Variants in IPO5 observed in about 807,000 individuals in gnomAD.
IPO5 encodes the protein importin 5, also known as importin-5.
Under a neutral mutation model 143.3 loss-of-function variants are expected in IPO5, and 18 were observed. The observed-to-expected ratio is 0.13, with a 90% CI of 0.09 to 0.19. The LOEUF is 0.19. Ranked by LOEUF, IPO5 falls within the 10% of genes least tolerant of loss-of-function variation. The pLI, the probability that IPO5 is intolerant of heterozygous loss-of-function variation, is 1.00. For missense variants in IPO5, 1,013 were observed against 1,336.9 expected, an observed-to-expected ratio of 0.76 and a Z score of 3.78; for synonymous variants, 477 against 465.7, an observed-to-expected ratio of 1.02 and a Z score of -0.31.
chr13:98,016,756 A>G lies in IPO5; in HGVS notation c.2521A>G (p.Lys841Glu). 6.7e-7 allele frequency: 1 copy of G among 1,502,014 alleles called. No individual in the cohort carries two copies. The highest frequency in any genetic ancestry group is 9.1e-7 in the Non-Finnish European group (1 of 1,102,746). The allele number at this position is 1,502,014 out of a possible 1,614,324, so 93.0% of individuals were successfully genotyped here. ...TGATAATGATGTTTATATTCTGACC[A>G]AAGTGTCAGATATTTTACACTCAAT... ...EDDNDVYILTKVSDILHSIFS... is the reference protein window; with the variant it reads ...EDDNDVYILTEVSDILHSIFS... The change falls in exon 25 of 29, where the codon AAA becomes GAA. Residue 841 changes from lysine (K) to glutamate (E), a missense_variant. Coordinates refer to ENST00000651721, the MANE Select transcript of IPO5 (RefSeq NM_002271.6).
At chr13:98,004,400 G>A (rs568351723) in intron 16 of IPO5, among the ~76,000 whole-genome samples, 1 of 152,188 alleles carries the variant, frequency 6.6e-6, no homozygotes, top group East Asian at 1.9e-4. Context: ...ACATTCGTGT[G>A]CCCGAAGGCA....
intron 2 of IPO5, among the ~76,000 whole-genome samples, chr13:97,962,754 G>C (rs1028259678): frequency 6.6e-6 from 1 of 151,966 alleles, no homozygotes; most frequent in African/African-American, 2.4e-5. Context: ...GGGAGGCAGA[G>C]GTTGCAGTGA....
At chr13:97,970,531 G>T (rs1885732593) in intron 3 of IPO5, among the ~76,000 whole-genome samples, 1 of 152,160 alleles carries the variant, frequency 6.6e-6, no homozygotes, top group African/African-American at 2.4e-5. Flanking sequence ...TGAGGCAGGA[G>T]AATCGCTTGA....
chr13:98,003,115 G>T, intron 16 of IPO5, 78 bp downstream of exon 16: 1 of 1,071,078 alleles, frequency 9.3e-7, no homozygotes, highest in Non-Finnish European at 1.4e-6. Flanking sequence ...ACTGGAGAAA[G>T]AGGGACTTGC....
At chr13:97,953,880 G>A (rs1294879981) in intron 1 of IPO5, 164 bp downstream of exon 1, 3 of 455,516 alleles carry the variant, frequency 6.6e-6, no homozygotes, top group South Asian at 4.7e-5. Flanking sequence ...CCAAGAGGAA[G>A]GAAACGTCAG....
chr13:97,981,214 C>T, intron 4 of IPO5: 2 of 453,000 alleles, frequency 4.4e-6, no homozygotes, highest in Non-Finnish European at 8.9e-6. Context: ...TTGAATTCTC[C>T]TTTCCCCCAA....
chr13:98,011,610 G>A (rs1160715240), intron 20 of IPO5, among the ~76,000 whole-genome samples: 1 of 151,344 alleles, frequency 6.6e-6, no homozygotes, highest in East Asian at 1.9e-4. Flanking sequence ...GGGTTCAAGC[G>A]ATTCTCCTGC....
intron 2 of IPO5, among the ~76,000 whole-genome samples, chr13:97,961,316 G>A (rs929486325): frequency 6.6e-6 from 1 of 152,188 alleles, no homozygotes; most frequent in Admixed American, 6.5e-5. Context: ...GTCAACATAT[G>A]TTGTCTTTTC....
chr13:98,018,789 A>G lies in IPO5; in HGVS notation c.2836+85A>G, dbSNP rs147928798. ...TACTCTCTTTACCACACTCCCAAACATTATTTGCCTATTTCTGCTGTAGTC... is the reference window on the plus strand; with the variant it reads ...TACTCTCTTTACCACACTCCCAAACGTTATTTGCCTATTTCTGCTGTAGTC... On this transcript the variant is annotated intron_variant, in intron 26 of 28. Coordinates refer to ENST00000651721, the MANE Select transcript of IPO5 (RefSeq NM_002271.6). 165 of 940,024 alleles carry G rather than the reference A, an allele frequency of 1.8e-4. 1 individual carries two copies. In the East Asian group the frequency reaches 3.2e-3, roughly 18 times the overall value. The allele number at this position is 940,024 out of a possible 1,614,324, so 58.2% of individuals were successfully genotyped here. A position where few individuals can be genotyped will look rare whatever the true frequency, so the allele number is the denominator to read the frequency against.
chr13:97,994,938 C>T (rs189379756), intron 11 of IPO5, among the ~76,000 whole-genome samples: 1 of 151,964 alleles, frequency 6.6e-6, no homozygotes, highest in East Asian at 1.9e-4. Flanking sequence ...CCAGCCTGGG[C>T]GACATGACGA....
chr13:98,004,339 G>T (rs1889040508), intron 16 of IPO5, among the ~76,000 whole-genome samples: 1 of 152,162 alleles, frequency 6.6e-6, no homozygotes, highest in Non-Finnish European at 1.5e-5. Flanking sequence ...ATAAACAAAG[G>T]CCCAAGTGCT....
At chr13:98,002,623 A>G (rs1410350657) in intron 14 of IPO5, 32 bp downstream of exon 14, 1 of 1,611,000 alleles carries the variant, frequency 6.2e-7, no homozygotes, top group Admixed American at 1.7e-5. Context: ...ATTCAAAATG[A>G]TTAGTGTAGC....
At chr13:98,015,923 T>G in intron 24 of IPO5, 142 bp downstream of exon 24, 1 of 589,312 alleles carries the variant, frequency 1.7e-6, no homozygotes, top group Non-Finnish European at 3.0e-6. Flanking sequence ...ATTTCCTCTC[T>G]TAATTTATGA....
chr13:98,012,903 C>T (rs1445770754), intron 21 of IPO5, among the ~76,000 whole-genome samples: 1 of 151,232 alleles, frequency 6.6e-6, no homozygotes, highest in Non-Finnish European at 1.5e-5. Flanking sequence ...GCCTTGGCCC[C>T]ACAAAGTTAT....
chr13:98,007,444 G>T (rs1222520597), intron 17 of IPO5: 2 of 152,242 alleles, frequency 1.3e-5, no homozygotes, highest in African/African-American at 4.8e-5. Context: ...TAATGCAAAA[G>T]AAGTTTCTCT....
intron 3 of IPO5, among the ~76,000 whole-genome samples, chr13:97,973,209 AT>A (rs1358726916): frequency 9.5e-5 from 14 of 147,996 alleles, no homozygotes; most frequent in Non-Finnish European, 7.5e-5. Flanking sequence ...TACCCAGCTG[AT>A]TTTTTTTTTG....
rs74521259 is a variant in IPO5, at chr13:97,985,035, G to A, written c.172-386G>A. 7.6e-3 allele frequency among the ~76,000 whole-genome samples: 1,160 copies of A among 152,324 alleles called. 20 individuals carry two copies. Among genetic ancestry groups the A allele is most frequent in the African/African-American group, 0.026 (1,090 of 41,562 alleles). ...AAGTTAGGTCAGGCTGGGAGCCTAA[G>A]GTTGGGTGGGAAAGGCGCTTGATAT... On this transcript the variant is annotated intron_variant, in intron 5 of 28. Transcript: ENST00000651721.
At chr13:98,008,541 A>G (rs1230777916) in intron 18 of IPO5, among the ~76,000 whole-genome samples, 1 of 152,160 alleles carries the variant, frequency 6.6e-6, no homozygotes, top group Admixed American at 6.6e-5. Context: ...TGAAGGCTGC[A>G]TGATCTCCCT....
At chr13:97,981,350 T>A (rs989994993) in intron 4 of IPO5, 7 of 441,432 alleles carry the variant, frequency 1.6e-5, no homozygotes, top group Admixed American at 1.5e-4. Context: ...TGAATATGGT[T>A]GGCCTTAGAG....
Sources: gnomAD v4.1 joint callset for allele counts (sites outside exome capture counted in the v4.1 genomes callset) on GRCh38, gnomAD v4.1.1 for gene constraint, MANE v1.5 for transcripts, NCBI Gene and HGNC (gene_info 2026-07-23, HGNC 2026-07-21) for gene names.